MAST2: variants seen among roughly 807,000 people sequenced by gnomAD.
The protein encoded by MAST2 is microtubule associated serine/threonine kinase 2.
A neutral mutation model predicts 147.4 loss-of-function variants in MAST2; 70 were observed. That is an observed-to-expected ratio of 0.47 (90% CI 0.39 to 0.58). The LOEUF (loss-of-function observed/expected upper bound fraction) is 0.58. Ranked by LOEUF, MAST2 falls within the 20% of genes least tolerant of loss-of-function variation. The probability of loss-of-function intolerance (pLI) is 0.00; values close to 1 mark genes in which losing one functional copy is unlikely to be tolerated. For missense variants in MAST2, 2,080 were observed against 2,302.3 expected, an observed-to-expected ratio of 0.90 and a Z score of 1.98; for synonymous variants, 869 against 896.8, an observed-to-expected ratio of 0.97 and a Z score of 0.55.
At chr1:45,893,804 T>C (rs1172588596) in intron 4 of MAST2, among the ~76,000 whole-genome samples, 1 of 152,210 alleles carries the variant, frequency 6.6e-6, no homozygotes, top group Non-Finnish European at 1.5e-5. Flanking sequence ...ACATGTCTTC[T>C]GGTAGATAAC....
chr1:45,835,227 T>C (rs1030099967), intron 3 of MAST2, among the ~76,000 whole-genome samples: 1 of 152,058 alleles, frequency 6.6e-6, no homozygotes, highest in East Asian at 1.9e-4. Flanking sequence ...TACTACATAC[T>C]CAAATTTTCA....
intron 19 of MAST2, 94 bp downstream of exon 19, chr1:46,029,661 C>A: frequency 7.2e-7 from 1 of 1,387,624 alleles, no homozygotes; most frequent in Non-Finnish European, 1.0e-6. Flanking sequence ...CGGTTACGGG[C>A]AGCCCCTCTG....
intron 10 of MAST2, among the ~76,000 whole-genome samples, chr1:46,018,891 C>G (rs1190706593): frequency 1.3e-5 from 2 of 152,192 alleles, no homozygotes; most frequent in African/African-American, 2.4e-5. Flanking sequence ...ATCTTTTCTG[C>G]CTAGCTGTTC....
chr1:46,030,998 G>A lies in MAST2; in HGVS notation c.2709-9G>A, dbSNP rs1477794370. The stretch of plus-strand genomic sequence containing the variant: ...CTGGGTCACTCACCCCAGGCCTTGT[G>A]TCTCATAGATTACGGAAGCGGCTGT... On this transcript the variant is annotated splice_polypyrimidine_tract_variant and intron_variant, in intron 22 of 28. Coordinates refer to ENST00000361297, the MANE Select transcript of MAST2 (RefSeq NM_015112.3). 5 of 1,611,610 alleles carry A rather than the reference G, an allele frequency of 3.1e-6. No individual in the cohort carries two copies. The highest frequency in any genetic ancestry group is 1.7e-4 in the Middle Eastern group (1 of 6,060).
rs114990832 is a variant in MAST2 at position 45,982,925 on chromosome 1, A to G, written c.593-14799A>G. On this transcript the variant is annotated intron_variant, in intron 5 of 28. Coordinates refer to ENST00000361297, the MANE Select transcript of MAST2 (RefSeq NM_015112.3). ...ATACCCAACTTGAGGTAGTGTCAGA[A>G]TAGCATCTTCTGAAAAGTCTGCAGA... Among the ~76,000 whole-genome samples, 1,124 of 152,352 alleles carry G rather than the reference A, an allele frequency of 7.4e-3. 16 individuals carry two copies. Among genetic ancestry groups the G allele is most frequent in the African/African-American group, 0.026 (1,061 of 41,580 alleles).
intron 5 of MAST2, among the ~76,000 whole-genome samples, chr1:45,994,336 A>C (rs1175956094): frequency 8.2e-6 from 1 of 122,518 alleles, no homozygotes; most frequent in Non-Finnish European, 1.6e-5. Context: ...GCCAGGCTGG[A>C]GTGCAGTGGC....
At chr1:45,813,601 C>CA (rs920585439) in intron 1 of MAST2, among the ~76,000 whole-genome samples, 19 of 150,776 alleles carry the variant, frequency 1.3e-4, no homozygotes, top group Admixed American at 1.1e-3. Flanking sequence ...CGGATTCAAA[C>CA]AATTCTTCTG....
rs1646377921 is a variant in MAST2, at chr1:46,025,669, T to C, written c.1781-8T>C. 1.9e-6 allele frequency: 3 copies of C among 1,613,984 alleles called. No individual in the cohort carries two copies. The African/African-American group carries it at 4.0e-5, about 22-fold the overall frequency. On this transcript the variant is annotated splice_region_variant and splice_polypyrimidine_tract_variant and intron_variant, in intron 15 of 28. Transcript: ENST00000361297. ...TCCTTTCCTCATGGTAGCCTGGGCT[T>C]GTTGCAGGGGGAGACTGTGCCACTC...
chr1:45,866,959 C>T (rs1411045408), intron 3 of MAST2, among the ~76,000 whole-genome samples: 1 of 152,064 alleles, frequency 6.6e-6, no homozygotes, highest in Non-Finnish European at 1.5e-5. Flanking sequence ...CCATGTTGGC[C>T]AGCCGGGTCT....
intron 4 of MAST2, among the ~76,000 whole-genome samples, chr1:45,924,007 G>T (rs943523037): frequency 6.6e-6 from 1 of 152,032 alleles, no homozygotes; most frequent in Non-Finnish European, 1.5e-5. Flanking sequence ...CAGTAGCTGG[G>T]ATTACAGACA....
intron 11 of MAST2, among the ~76,000 whole-genome samples, chr1:46,020,231 T>C (rs1646129035): frequency 6.6e-6 from 1 of 152,174 alleles, no homozygotes; most frequent in Non-Finnish European, 1.5e-5. Context: ...AAGGAAGTGC[T>C]TTAGTCTTCC....
intron 4 of MAST2, among the ~76,000 whole-genome samples, chr1:45,948,645 T>C (rs1410279698): frequency 3.0e-5 from 4 of 133,938 alleles, no homozygotes; most frequent in East Asian, 4.3e-4. Context: ...AGGTGAAGAT[T>C]GGAGTGGACT....
At chr1:45,937,545 T>C (rs1015067021) in intron 4 of MAST2, among the ~76,000 whole-genome samples, 2 of 151,718 alleles carry the variant, frequency 1.3e-5, no homozygotes, top group Non-Finnish European at 2.9e-5. Context: ...AGGTCAGGGG[T>C]TCGAGACCAG....
intron 5 of MAST2, among the ~76,000 whole-genome samples, chr1:45,981,964 A>C (rs1571055755): frequency 6.6e-6 from 1 of 151,058 alleles, no homozygotes; most frequent in South Asian, 2.1e-4. Flanking sequence ...CCTCAGCCTC[A>C]GCCTCCCGAC....
intron 3 of MAST2, among the ~76,000 whole-genome samples, chr1:45,831,981 T>C (rs1325054773): frequency 2.0e-5 from 3 of 152,094 alleles, no homozygotes; most frequent in African/African-American, 4.8e-5. Flanking sequence ...GGTTTCACCA[T>C]GTTGGCCAGG....
At chr1:46,026,258 T>C (rs560510639) in intron 16 of MAST2, among the ~76,000 whole-genome samples, 13 of 151,980 alleles carry the variant, frequency 8.6e-5, no homozygotes, top group African/African-American at 3.1e-4. Context: ...ATTAGTCAAG[T>C]GGAAAAAGGA....
chr1:46,029,786 A>G, intron 19 of MAST2, 45 bp from the exon 20 acceptor site: 1 of 1,608,030 alleles, frequency 6.2e-7, no homozygotes, highest in East Asian at 2.2e-5. Context: ...CCTAGACTCC[A>G]TGCTGCTCAT....
At chr1:45,894,184 C>G (rs1051698733) in intron 4 of MAST2, among the ~76,000 whole-genome samples, 2 of 151,038 alleles carry the variant, frequency 1.3e-5, no homozygotes, top group Non-Finnish European at 2.9e-5. Flanking sequence ...CCACTGCACT[C>G]TAGCCTGGGT....
chr1:45,893,571 T>C (rs913377692), intron 4 of MAST2, among the ~76,000 whole-genome samples: 7 of 148,158 alleles, frequency 4.7e-5, no homozygotes, highest in African/African-American at 1.8e-4. Flanking sequence ...AAATTAAGAC[T>C]GAAAACACTT....
Sources: gnomAD v4.1 joint callset for allele counts (sites outside exome capture counted in the v4.1 genomes callset) on GRCh38, gnomAD v4.1.1 for gene constraint, MANE v1.5 for transcripts, NCBI Gene and HGNC (gene_info 2026-07-23, HGNC 2026-07-21) for gene names.